PMM2: variants seen among roughly 807,000 people sequenced by gnomAD.
PMM2 encodes the protein mannose-6-phosphate isomerase.
A neutral mutation model predicts 33.2 loss-of-function variants in PMM2; 35 were observed. The ratio of observed to expected loss-of-function variants is 1.06; its 90% CI spans 0.81 to 1.40. The LOEUF (loss-of-function observed/expected upper bound fraction) is 1.40, where lower values mean the gene tolerates loss of function less well. Ranked by LOEUF, PMM2 falls within the 40% of genes most tolerant of loss-of-function variation. PMM2 has a pLI of 0.00. For missense variants in PMM2, 386 were observed against 306.0 expected, an observed-to-expected ratio of 1.26 and a Z score of -1.95; for synonymous variants, 153 against 114.7, an observed-to-expected ratio of 1.33 and a Z score of -2.13.
Position 8,836,508 on chromosome 16 carries a change from C to T in PMM2, c.640-11216C>T, listed in dbSNP as rs535602555. ...CCTGGGGGAGGAGGTTCTGGAGGAA[C>T]GCCTGGCTGCTGCGGTTCAGGCGTT... On this transcript the variant is annotated intron_variant, in intron 7 of 7. Transcript: ENST00000268261. 7.2e-5 allele frequency among the ~76,000 whole-genome samples: 11 copies of T among 152,038 alleles called. No individual in the cohort carries two copies. The South Asian group carries it at 8.3e-4, about 11-fold the overall frequency.
chr16:8,832,708 A>C, intron 7 of PMM2: 2 of 985,378 alleles, frequency 2.0e-6, no homozygotes, highest in Non-Finnish European at 2.4e-6. Flanking sequence ...TTGTAAAGTA[A>C]TCTGATCATG....
rs1386333602 is a variant in PMM2, at chr16:8,811,076, C to T, written c.348-3C>T. ...AGAAACTCTGTCACCCTTTCATTCCCAGGGGTACTTTCATTGAATTCCGAA... is the reference window on the plus strand; with the variant it reads ...AGAAACTCTGTCACCCTTTCATTCCTAGGGGTACTTTCATTGAATTCCGAA... On this transcript the variant is annotated splice_region_variant and splice_polypyrimidine_tract_variant and intron_variant, in intron 4 of 7. Transcript: ENST00000268261. 1.3e-6 allele frequency: 2 copies of T among 1,537,986 alleles called. No individual in the cohort carries two copies. Among genetic ancestry groups the T allele is most frequent in the Admixed American group, 3.8e-5 (2 of 53,224 alleles).
At chr16:8,823,468 A>T (rs1213598563) in intron 7 of PMM2, among the ~76,000 whole-genome samples, 1 of 152,150 alleles carries the variant, frequency 6.6e-6, no homozygotes, top group African/African-American at 2.4e-5. Context: ...TCCCTCTCCC[A>T]TCCTTATTTT....
chr16:8,815,264 G>C (rs1399669131), intron 7 of PMM2, among the ~76,000 whole-genome samples: 2 of 147,258 alleles, frequency 1.4e-5, no homozygotes, highest in African/African-American at 5.0e-5. Flanking sequence ...CTGTCGCCCA[G>C]GCTAGAGTGC....
intron 7 of PMM2, among the ~76,000 whole-genome samples, chr16:8,816,827 T>G (rs1400695022): frequency 1.3e-5 from 2 of 152,198 alleles, no homozygotes; most frequent in Non-Finnish European, 2.9e-5. Context: ...GTCATAGCTA[T>G]GATGGAAAAC....
At chr16:8,828,410 A>G (rs1284899851) in intron 7 of PMM2, among the ~76,000 whole-genome samples, 6 of 152,168 alleles carry the variant, frequency 3.9e-5, no homozygotes. Context: ...CCAGGCTACC[A>G]CTGTGAAATA....
intron 7 of PMM2, among the ~76,000 whole-genome samples, chr16:8,845,320 A>C (rs1030256525): frequency 6.6e-6 from 1 of 152,226 alleles, no homozygotes; most frequent in African/African-American, 2.4e-5. Context: ...GGGCAGAAAC[A>C]AATCACAATG....
At chr16:8,823,752 A>T (rs2141031205) in intron 7 of PMM2, among the ~76,000 whole-genome samples, 1 of 152,280 alleles carries the variant, frequency 6.6e-6, no homozygotes, top group South Asian at 2.1e-4. Context: ...GTCCTAAGAT[A>T]ATTTGGGGCT....
intron 7 of PMM2, among the ~76,000 whole-genome samples, chr16:8,834,372 T>C (rs531887216): frequency 4.6e-5 from 7 of 152,002 alleles, no homozygotes; most frequent in Admixed American, 4.6e-4. Flanking sequence ...TCAGACTGTA[T>C]AGAGGTGGGA....
intron 6 of PMM2, among the ~76,000 whole-genome samples, chr16:8,812,137 G>A (rs1596489368): frequency 6.6e-6 from 1 of 152,190 alleles, no homozygotes; most frequent in African/African-American, 2.4e-5. Context: ...TGTTTCAACA[G>A]CAAGGAACCT....
intron 7 of PMM2, among the ~76,000 whole-genome samples, chr16:8,813,733 G>T (rs1463037287): frequency 6.6e-6 from 1 of 152,090 alleles, no homozygotes. Flanking sequence ...TAGAAGAAAT[G>T]CCCCCAGGTG....
In PMM2 at chr16:8,847,512, C is replaced by A. The variant is rs561289878; in HGVS notation, c.640-212C>A. The A allele has an allele frequency of 5.2e-6, 3 of 575,090 alleles. No homozygotes were observed. The East Asian group carries it at 9.1e-5, about 17-fold the overall frequency. The allele number at this position is 575,090 out of a possible 1,614,324, so 35.6% of individuals were successfully genotyped here. A position where few individuals can be genotyped will look rare whatever the true frequency, so the allele number is the denominator to read the frequency against. Reference sequence around the variant, plus strand: ...CATAGGCATAATTACGTGTTCCAAGCCAAATTGCAGTTCAAGAGAAGGTTA... The same window carrying A: ...CATAGGCATAATTACGTGTTCCAAGACAAATTGCAGTTCAAGAGAAGGTTA... On this transcript the variant is annotated intron_variant, in intron 7 of 7. Transcript: ENST00000268261.
chr16:8,843,019 A>G (rs1057200580), intron 7 of PMM2, among the ~76,000 whole-genome samples: 2 of 152,178 alleles, frequency 1.3e-5, no homozygotes, highest in Non-Finnish European at 1.5e-5. Context: ...GCTGTAGTCC[A>G]GGAATAGTCA....
chr16:8,800,850 A>G (rs1201687411), intron 1 of PMM2, among the ~76,000 whole-genome samples: 2 of 151,860 alleles, frequency 1.3e-5, no homozygotes, highest in East Asian at 1.9e-4. Context: ...CGCCCGCCTA[A>G]TTTTTGTATT....
intron 7 of PMM2, among the ~76,000 whole-genome samples, chr16:8,821,430 G>T (rs1443867856): frequency 3.9e-5 from 6 of 152,204 alleles, no homozygotes; most frequent in Non-Finnish European, 8.8e-5. Flanking sequence ...TAGGACTGTG[G>T]CTAACAACCA....
intron 7 of PMM2, chr16:8,831,987 C>T: frequency 3.8e-6 from 1 of 261,122 alleles, no homozygotes; most frequent in Non-Finnish European, 6.0e-6. Flanking sequence ...CTGAGTTCCC[C>T]AACTAGAATC....
chr16:8,830,574 G>A (rs1001918268), intron 7 of PMM2, among the ~76,000 whole-genome samples: 1 of 152,046 alleles, frequency 6.6e-6, no homozygotes. Flanking sequence ...TCAAAGTGCC[G>A]GTTGAATCAT....
At chr16:8,818,148 C>G (rs138923115) in intron 7 of PMM2, among the ~76,000 whole-genome samples, 1 of 152,144 alleles carries the variant, frequency 6.6e-6, no homozygotes, top group Non-Finnish European at 1.5e-5. Context: ...GTGATCCGTC[C>G]GCCTCGGCCT....
rs187160645 is a variant in PMM2, at chr16:8,816,180, G to A, written c.639+3074G>A. Among the ~76,000 whole-genome samples, 102 of 152,144 alleles carry A rather than the reference G, an allele frequency of 6.7e-4. 1 individual carries two copies. Among genetic ancestry groups the A allele is most frequent in the Non-Finnish European group, 1.1e-3 (74 of 67,994 alleles). Reference sequence around the variant, plus strand: ...TTTGCTCTGTCACCCAGGCTGGAGTGCAGTGATGCGATCTTGGCTCACTGC... The same window carrying A: ...TTTGCTCTGTCACCCAGGCTGGAGTACAGTGATGCGATCTTGGCTCACTGC... On this transcript the variant is annotated intron_variant, in intron 7 of 7. Coordinates refer to ENST00000268261, the MANE Select transcript of PMM2 (RefSeq NM_000303.3).
Sources: allele counts gnomAD v4.1 joint callset (sites outside exome capture counted in the v4.1 genomes callset), GRCh38; gene constraint gnomAD v4.1.1; transcripts MANE v1.5; gene names NCBI Gene and HGNC (gene_info 2026-07-23, HGNC 2026-07-21).